Variants in PDE4D observed in about 807,000 individuals in gnomAD.
PDE4D encodes phosphodiesterase 4D.
Under a neutral mutation model 87.4 loss-of-function variants are expected in PDE4D, and 24 were observed. The ratio of observed to expected loss-of-function variants is 0.27; its 90% CI spans 0.20 to 0.39. The LOEUF (loss-of-function observed/expected upper bound fraction) is 0.39, where lower values mean the gene tolerates loss of function less well. Ranked by LOEUF, PDE4D falls within the 10% of genes least tolerant of loss-of-function variation. The probability of loss-of-function intolerance (pLI) is 1.00; values close to 1 mark genes in which losing one functional copy is unlikely to be tolerated. For synonymous variants in PDE4D, 384 were observed against 383.2 expected (o/e 1.00, Z -0.02); for missense variants, 714 against 1,041.0 (o/e 0.69, Z 4.32).
chr5:60,025,463 C>T (rs1766527849), intron 2 of PDE4D, among the ~76,000 whole-genome samples: 1 of 152,110 alleles, frequency 6.6e-6, no homozygotes, highest in African/African-American at 2.4e-5. Flanking sequence ...ATAGTCTTAA[C>T]TTTAAAGTGT....
intron 1 of PDE4D, among the ~76,000 whole-genome samples, chr5:59,497,264 C>T (rs999606793): frequency 8.1e-5 from 12 of 147,752 alleles, no homozygotes; most frequent in African/African-American, 3.2e-4. Flanking sequence ...AGCACAAGAA[C>T]TCTGGCAATA....
At chr5:59,081,518 T>TATTAAAAAAAAA (rs1766760867) in intron 5 of PDE4D, among the ~76,000 whole-genome samples, 3 of 135,438 alleles carry the variant, frequency 2.2e-5, no homozygotes, top group East Asian at 2.2e-4. Context: ...AGTAATCAGG[T>TATTAAAAAAAAA]AAAAAAAAAA....
chr5:59,601,745 T>A (rs150825591), intron 1 of PDE4D, among the ~76,000 whole-genome samples: 204 of 152,230 alleles, frequency 1.3e-3, no homozygotes, highest in African/African-American at 4.8e-3. Context: ...TTGAGATTTA[T>A]AAATCTGAAC....
rs182640334 is a variant in PDE4D at position 59,543,683 on chromosome 5, C to T, written c.456-327715G>A. ...GGTCACAAGTCAATGTGTCTCCTGG[C>T]TGCTTGGCTATGTTCCCATCCGTCT... On this transcript the variant is annotated intron_variant, in intron 1 of 14. Transcript: ENST00000340635. 1.6e-3 allele frequency among the ~76,000 whole-genome samples: 243 copies of T among 152,198 alleles called. 1 individual carries two copies. Among genetic ancestry groups the T allele is most frequent in the African/African-American group, 5.5e-3 (229 of 41,546 alleles).
intron 5 of PDE4D, among the ~76,000 whole-genome samples, chr5:59,162,853 C>CAAAAAAAA (rs368976708): frequency 0.32 from 38,244 of 120,228 alleles, 6,919 homozygotes; most frequent in East Asian, 0.41. Flanking sequence ...GACCCTGCAT[C>CAAAAAAAA]AAAAAAAAAA....
intron 2 of PDE4D, among the ~76,000 whole-genome samples, chr5:60,074,069 T>TTC (rs1773027694): frequency 6.6e-6 from 1 of 151,878 alleles, no homozygotes; most frequent in Non-Finnish European, 1.5e-5. Flanking sequence ...TCTGATAGTT[T>TTC]TGGGGTTGGT....
chr5:59,869,800 G>T (rs1747556668), intron 1 of PDE4D, among the ~76,000 whole-genome samples: 2 of 152,064 alleles, frequency 1.3e-5, no homozygotes, highest in Admixed American at 6.6e-5. Context: ...AAAAACTTCA[G>T]GAAAAGTGAA....
chr5:60,421,994 A>T (rs2150089789), intron 1 of PDE4D, among the ~76,000 whole-genome samples: 1 of 152,352 alleles, frequency 6.6e-6, no homozygotes, highest in East Asian at 1.9e-4. Flanking sequence ...AGTTTAGAGA[A>T]AAAAGAGTAA....
chr5:60,233,562 C>CT (rs575273409), intron 1 of PDE4D, among the ~76,000 whole-genome samples: 72 of 144,260 alleles, frequency 5.0e-4, no homozygotes, highest in Admixed American at 5.6e-4. Context: ...CTAACATTTC[C>CT]TTTTTTTTTT....
intron 1 of PDE4D, among the ~76,000 whole-genome samples, chr5:59,390,211 AGTT>A (rs1562089011): frequency 6.6e-6 from 1 of 152,108 alleles, no homozygotes; most frequent in African/African-American, 2.4e-5. Flanking sequence ...AACTTATAAT[AGTT>A]ATTATTTGTG....
chr5:59,266,791 A>G (rs1036854035), intron 1 of PDE4D, among the ~76,000 whole-genome samples: 3 of 152,084 alleles, frequency 2.0e-5, no homozygotes, highest in African/African-American at 7.2e-5. Flanking sequence ...TACTTTTCTA[A>G]TACCATGAAA....
At chr5:59,088,245 T>G (rs1456962099) in intron 5 of PDE4D, among the ~76,000 whole-genome samples, 3 of 152,196 alleles carry the variant, frequency 2.0e-5, no homozygotes, top group Admixed American at 2.0e-4. Flanking sequence ...TATTGTGCCA[T>G]CCTTCTCTCT....
chr5:59,875,368 G>A (rs1182054594), intron 1 of PDE4D, among the ~76,000 whole-genome samples: 1 of 146,342 alleles, frequency 6.8e-6, no homozygotes, highest in Non-Finnish European at 1.5e-5. Flanking sequence ...GGCTGAGGCA[G>A]GAGAATCTCT....
intron 3 of PDE4D, among the ~76,000 whole-genome samples, chr5:59,948,590 G>T (rs939094656): frequency 4.6e-5 from 7 of 152,214 alleles, no homozygotes; most frequent in Admixed American, 3.9e-4. Flanking sequence ...CTATTGTGAA[G>T]TTGAAAGCTC....
At chr5:60,150,479 G>A (rs1293340203) in intron 2 of PDE4D, among the ~76,000 whole-genome samples, 1 of 151,988 alleles carries the variant, frequency 6.6e-6, no homozygotes, top group Non-Finnish European at 1.5e-5. Context: ...TTAGTTGACA[G>A]AGCTGCTATG....
At chr5:59,194,794 G>C (rs562079577) in intron 2 of PDE4D, among the ~76,000 whole-genome samples, 1 of 152,246 alleles carries the variant, frequency 6.6e-6, no homozygotes, top group South Asian at 2.1e-4. Flanking sequence ...TTCAGAGAGG[G>C]CATAAGGTCT....
At position 60,041,926 on chromosome 5, in the gene PDE4D, A is replaced by G. The variant is rs188692904; in HGVS notation, c.43-53209T>C. ...GCAGGATTTTTTTTTTTTTCATACC[A>G]CAGTGGCACCTGGAAGGCCAGTGAG... is the stretch of plus-strand genomic sequence containing the variant. On this transcript the variant is annotated intron_variant, in intron 2 of 16. Coordinates refer to the PDE4D transcript ENST00000502484. 4.5e-3 allele frequency among the ~76,000 whole-genome samples: 668 copies of G among 149,100 alleles called. 7 individuals are homozygous for G. Among genetic ancestry groups the G allele is most frequent in the African/African-American group, 0.016 (635 of 40,244 alleles).
chr5:59,633,326 C>G (rs1831815162), intron 1 of PDE4D, among the ~76,000 whole-genome samples: 1 of 152,134 alleles, frequency 6.6e-6, no homozygotes, highest in Non-Finnish European at 1.5e-5. Flanking sequence ...AGGATATTTT[C>G]CAGGAGAACT....
chr5:59,350,238 G>T (rs549091380), intron 1 of PDE4D, among the ~76,000 whole-genome samples: 1 of 152,154 alleles, frequency 6.6e-6, no homozygotes, highest in South Asian at 2.1e-4. Flanking sequence ...CTGTCTGCAA[G>T]AAGTGTGCTC....
Sources: allele counts gnomAD v4.1 joint callset (sites outside exome capture counted in the v4.1 genomes callset), GRCh38; gene constraint gnomAD v4.1.1; transcripts MANE v1.5; gene names NCBI Gene and HGNC (gene_info 2026-07-23, HGNC 2026-07-21).